DLG2: variants seen among roughly 807,000 people sequenced by gnomAD.
DLG2 encodes the protein disks large homolog 2.
Under a neutral mutation model 132.5 loss-of-function variants are expected in DLG2, and 45 were observed. That is an observed-to-expected ratio of 0.34 (90% CI 0.27 to 0.44). The LOEUF is 0.44. DLG2 is among the 20% of genes least tolerant of loss of function. DLG2 has a pLI of 1.00. For synonymous variants in DLG2, 424 were observed against 419.6 expected, an observed-to-expected ratio of 1.01 and a Z score of -0.13; for missense variants, 1,045 against 1,196.9, an observed-to-expected ratio of 0.87 and a Z score of 1.87.
At chr11:85,394,184 T>C (rs538993919) in intron 3 of DLG2, among the ~76,000 whole-genome samples, 14 of 152,346 alleles carry the variant, frequency 9.2e-5, no homozygotes, top group Non-Finnish European at 1.9e-4. Flanking sequence ...AAGATGTATA[T>C]ACTTGAAGAT....
chr11:84,117,275 T>C (rs1296160007), intron 9 of DLG2, among the ~76,000 whole-genome samples: 1 of 152,214 alleles, frequency 6.6e-6, no homozygotes, highest in African/African-American at 2.4e-5. Flanking sequence ...CCTGCTTTAG[T>C]TTTTAGCCTA....
chr11:84,349,114 A>C (rs1007512159), intron 7 of DLG2, among the ~76,000 whole-genome samples: 2 of 152,208 alleles, frequency 1.3e-5, no homozygotes, highest in African/African-American at 4.8e-5. Context: ...CCCGGTTTTA[A>C]CTTTTTGACA....
intron 19 of DLG2, among the ~76,000 whole-genome samples, chr11:83,568,111 C>G (rs1482201350): frequency 6.6e-6 from 1 of 152,006 alleles, no homozygotes; most frequent in Non-Finnish European, 1.5e-5. Context: ...AGAACAAAAG[C>G]AAGAAAAACT....
At position 84,364,322 on chromosome 11, in the gene DLG2, T is replaced by C. The variant is rs1159705409; in HGVS notation, c.520-113031A>G. Among the ~76,000 whole-genome samples, 7 of 151,850 alleles carry C rather than the reference T, an allele frequency of 4.6e-5. No homozygotes were observed. In the East Asian group the frequency reaches 1.4e-3, roughly 29 times the overall value. ...TTTGGCTCTCTGTTTGTCTGTTATT[T>C]GTGTATAAGAATGCTTGTGATTTTT... On this transcript the variant is annotated intron_variant, in intron 7 of 27. Coordinates refer to ENST00000376104, the MANE Select transcript of DLG2 (RefSeq NM_001142699.3).
intron 6 of DLG2, among the ~76,000 whole-genome samples, chr11:85,107,029 G>A (rs1322130394): frequency 6.6e-6 from 1 of 151,940 alleles, no homozygotes; most frequent in African/African-American, 2.4e-5. Flanking sequence ...TACGTGTTCA[G>A]TAACTACTTC....
intron 2 of DLG2, among the ~76,000 whole-genome samples, chr11:85,626,276 G>A (rs1340942182): frequency 2.0e-5 from 3 of 152,124 alleles, no homozygotes; most frequent in Non-Finnish European, 4.4e-5. Flanking sequence ...TTTAAAGACT[G>A]CTTAAAAGTA....
At chr11:84,360,197 CA>C (rs1423617377) in intron 7 of DLG2, among the ~76,000 whole-genome samples, 2 of 151,544 alleles carry the variant, frequency 1.3e-5, no homozygotes, top group African/African-American at 4.8e-5. Context: ...GCCTTATAGC[CA>C]CATTATCTCA....
At chr11:84,594,802 T>C (rs1332238094) in intron 6 of DLG2, among the ~76,000 whole-genome samples, 1 of 152,220 alleles carries the variant, frequency 6.6e-6, no homozygotes, top group Non-Finnish European at 1.5e-5. Context: ...ACTGCAATTA[T>C]GGAACTGTTG....
At chr11:84,557,327 C>T (rs1592294237) in intron 6 of DLG2, among the ~76,000 whole-genome samples, 2 of 151,904 alleles carry the variant, frequency 1.3e-5, no homozygotes, top group East Asian at 1.9e-4. Context: ...TTGCTTAGTG[C>T]CTATTGAAGA....
chr11:84,838,444 C>T (rs2080115942), intron 6 of DLG2, among the ~76,000 whole-genome samples: 2 of 150,288 alleles, frequency 1.3e-5, no homozygotes, highest in Admixed American at 1.3e-4. Flanking sequence ...ATCAAATAGA[C>T]AAAAATCACT....
chr11:84,372,802 G>T (rs2098711529), intron 7 of DLG2, among the ~76,000 whole-genome samples: 1 of 152,090 alleles, frequency 6.6e-6, no homozygotes, highest in African/African-American at 2.4e-5. Context: ...AAACAATGTT[G>T]AATGTTATTA....
At chr11:84,519,171 G>C (rs75547439) in intron 7 of DLG2, among the ~76,000 whole-genome samples, 2,050 of 152,138 alleles carry the variant, frequency 0.013, 37 homozygotes, top group African/African-American at 0.045. Flanking sequence ...GAGACAAGAA[G>C]AAGAATTCAG....
At chr11:83,945,645 G>C (rs1049943822) in intron 14 of DLG2, among the ~76,000 whole-genome samples, 1 of 152,132 alleles carries the variant, frequency 6.6e-6, no homozygotes, top group Non-Finnish European at 1.5e-5. Flanking sequence ...TTAAATAGCT[G>C]ATGCCTTTAG....
intron 18 of DLG2, among the ~76,000 whole-genome samples, chr11:83,722,012 A>G (rs955815096): frequency 1.3e-5 from 2 of 152,232 alleles, no homozygotes; most frequent in Admixed American, 6.5e-5. Context: ...CACAAGTTAT[A>G]TGACTGACAA....
intron 7 of DLG2, among the ~76,000 whole-genome samples, chr11:84,409,207 C>T (rs2098882826): frequency 1.3e-5 from 2 of 152,194 alleles, no homozygotes; most frequent in African/African-American, 2.4e-5. Context: ...AACCAGAGTA[C>T]TAAGCAGAGT....
At chr11:84,739,098 G>A (rs2064248609) in intron 6 of DLG2, among the ~76,000 whole-genome samples, 2 of 152,032 alleles carry the variant, frequency 1.3e-5, no homozygotes, top group African/African-American at 4.8e-5. Context: ...GTAATTATCT[G>A]GAACTCTAAT....
At chr11:84,224,114 T>A (rs896610059) in intron 8 of DLG2, among the ~76,000 whole-genome samples, 3 of 152,204 alleles carry the variant, frequency 2.0e-5, no homozygotes, top group African/African-American at 7.2e-5. Context: ...GTCCCCACTG[T>A]TCCCCAGACA....
intron 15 of DLG2, among the ~76,000 whole-genome samples, chr11:83,889,112 T>A (rs1189035503): frequency 6.6e-6 from 1 of 152,106 alleles, no homozygotes; most frequent in East Asian, 1.9e-4. Flanking sequence ...AAATGGGATC[T>A]AATTAAACTA....
At chr11:85,595,732 T>C (rs191213574) in intron 3 of DLG2, among the ~76,000 whole-genome samples, 51 of 152,350 alleles carry the variant, frequency 3.3e-4, no homozygotes, top group East Asian at 2.3e-3. Context: ...TCTTGTTACT[T>C]ACCATAAAAG....
Sources: gnomAD v4.1 joint callset for allele counts (sites outside exome capture counted in the v4.1 genomes callset) on GRCh38, gnomAD v4.1.1 for gene constraint, MANE v1.5 for transcripts, NCBI Gene and HGNC (gene_info 2026-07-23, HGNC 2026-07-21) for gene names.